The following GLIS3 variants were observed in gnomAD, a reference collection of about 807,000 sequenced individuals.
GLIS3 encodes GLIS family zinc finger 3, also known as zinc finger protein GLIS3.
In GLIS3, 53 loss-of-function variants were observed where a neutral mutation model predicts 78.6. The observed-to-expected ratio is 0.67, with a 90% CI of 0.54 to 0.85. The LOEUF is 0.85. Among genes scored for constraint, GLIS3 ranks in the 40% least tolerant of loss-of-function variants. The pLI is 0.00. For missense variants in GLIS3, 1,703 were observed against 1,231.1 expected, an observed-to-expected ratio of 1.38 and a Z score of -5.74; for synonymous variants, 684 against 509.9, an observed-to-expected ratio of 1.34 and a Z score of -4.60.
At chr9:4,490,013 G>C in the GLIS3 span, among the ~76,000 whole-genome samples, 36,858 of 152,134 alleles carry the variant, frequency 0.24, 5,520 homozygotes, top group East Asian at 0.49. Context: ...CCCAGCCTGA[G>C]TAGCCGAGCA....
At chr9:4,272,318 G>C (rs912294519) in intron 2 of GLIS3, among the ~76,000 whole-genome samples, 1 of 152,168 alleles carries the variant, frequency 6.6e-6, no homozygotes, top group Non-Finnish European at 1.5e-5. Context: ...ACACATAGTA[G>C]AAATTCTGGT....
At chr9:4,442,526 T>C in the GLIS3 span, among the ~76,000 whole-genome samples, 3 of 152,156 alleles carry the variant, frequency 2.0e-5, no homozygotes, top group African/African-American at 4.8e-5. Flanking sequence ...AACACTGCTC[T>C]ATTTTCCAAA....
intron 4 of GLIS3, among the ~76,000 whole-genome samples, chr9:3,961,172 T>C (rs997098621): frequency 2.0e-5 from 3 of 152,168 alleles, no homozygotes; most frequent in Admixed American, 1.3e-4. Context: ...CCTTGCATTA[T>C]AAGAAAGTAA....
rs550647515 is a variant in GLIS3, at chr9:4,083,400, T to C, written c.1710+34368A>G. The stretch of plus-strand genomic sequence containing the variant: ...CTCTAGGTAGCTGCTACTAGATACA[T>C]GGAATTTAAATACTAGGTGAAATGC... On this transcript the variant is annotated intron_variant, in intron 4 of 10. Transcript: ENST00000381971. Among the ~76,000 whole-genome samples the C allele has an allele frequency of 7.2e-5, 11 of 152,224 alleles. No individual in the cohort carries two copies. In the South Asian group the frequency reaches 2.1e-3, roughly 29 times the overall value.
At chr9:3,879,216 G>C (rs1220211367) in intron 8 of GLIS3, among the ~76,000 whole-genome samples, 4 of 152,188 alleles carry the variant, frequency 2.6e-5, no homozygotes, top group Non-Finnish European at 5.9e-5. Flanking sequence ...GCTATTGCCA[G>C]TATCATTTCA....
At chr9:4,088,139 A>G (rs1056994563) in intron 4 of GLIS3, among the ~76,000 whole-genome samples, 1 of 152,208 alleles carries the variant, frequency 6.6e-6, no homozygotes, top group African/African-American at 2.4e-5. Flanking sequence ...TCTGAAAGGG[A>G]GAAAGAATAA....
At chr9:4,366,936 T>C in the GLIS3 span, among the ~76,000 whole-genome samples, 1 of 141,350 alleles carries the variant, frequency 7.1e-6, no homozygotes, top group Non-Finnish European at 1.6e-5. Context: ...TCGAGCACAA[T>C]GGCTAAATTT....
intron 4 of GLIS3, among the ~76,000 whole-genome samples, chr9:4,103,295 A>G (rs1257853002): frequency 6.6e-6 from 1 of 152,172 alleles, no homozygotes; most frequent in African/African-American, 2.4e-5. Flanking sequence ...GGAGCCTTGA[A>G]CATTTAGAAT....
At chr9:4,434,031 G>A in the GLIS3 span, among the ~76,000 whole-genome samples, 2 of 151,552 alleles carry the variant, frequency 1.3e-5, no homozygotes, top group Non-Finnish European at 2.9e-5. Flanking sequence ...AGGAGGTGGA[G>A]GTTGCAGTGA....
intron 4 of GLIS3, among the ~76,000 whole-genome samples, chr9:4,032,266 C>T (rs1823903548): frequency 2.0e-5 from 3 of 152,144 alleles, no homozygotes; most frequent in South Asian, 4.1e-4. Context: ...CTGGTTTCAG[C>T]GGAATACCCT....
At chr9:3,832,178 A>G (rs1818083874) in intron 9 of GLIS3, among the ~76,000 whole-genome samples, 3 of 150,392 alleles carry the variant, frequency 2.0e-5, no homozygotes, top group Non-Finnish European at 4.4e-5. Context: ...ATACTTACAT[A>G]TTATACAATT....
chr9:4,414,491 A>C, the GLIS3 span, among the ~76,000 whole-genome samples: 5 of 152,220 alleles, frequency 3.3e-5, no homozygotes, highest in African/African-American at 4.8e-5. Context: ...TGGGGTGGTC[A>C]AACAATTATA....
At chr9:4,020,852 A>C (rs1563955624) in intron 4 of GLIS3, among the ~76,000 whole-genome samples, 1 of 152,206 alleles carries the variant, frequency 6.6e-6, no homozygotes, top group East Asian at 1.9e-4. Context: ...ACGTAAGCAA[A>C]TGATACTGGT....
At chr9:4,047,664 G>T (rs918638446) in intron 4 of GLIS3, among the ~76,000 whole-genome samples, 1 of 152,118 alleles carries the variant, frequency 6.6e-6, no homozygotes, top group Non-Finnish European at 1.5e-5. Flanking sequence ...TCTAGGGAAA[G>T]AAAAAACTGT....
At chr9:4,012,166 T>C (rs1036684621) in intron 4 of GLIS3, among the ~76,000 whole-genome samples, 2 of 152,210 alleles carry the variant, frequency 1.3e-5, no homozygotes, top group African/African-American at 2.4e-5. Flanking sequence ...TACCTCTTCA[T>C]ACCTACTCAT....
the GLIS3 span, among the ~76,000 whole-genome samples, chr9:4,424,730 A>T: frequency 6.6e-6 from 1 of 152,020 alleles, no homozygotes; most frequent in African/African-American, 2.4e-5. Context: ...TGCCTGGCTA[A>T]TGTTTTTTAT....
chr9:4,066,404 C>A (rs1827100437), intron 4 of GLIS3, among the ~76,000 whole-genome samples: 1 of 152,128 alleles, frequency 6.6e-6, no homozygotes, highest in Admixed American at 6.6e-5. Context: ...CTGCAGAACA[C>A]ATGCATTTTT....
At chr9:4,231,651 G>A (rs1215770739) in intron 2 of GLIS3, among the ~76,000 whole-genome samples, 5 of 152,106 alleles carry the variant, frequency 3.3e-5, no homozygotes, top group Non-Finnish European at 5.9e-5. Context: ...AAAAATAAAC[G>A]TCAAGGCCAA....
At chr9:4,180,941 G>A (rs937101735) in intron 2 of GLIS3, among the ~76,000 whole-genome samples, 1 of 152,132 alleles carries the variant, frequency 6.6e-6, no homozygotes, top group East Asian at 1.9e-4. Context: ...CCATCTCCCT[G>A]GGCATCCTGA....
Sources: gnomAD v4.1 joint callset for allele counts (sites outside exome capture counted in the v4.1 genomes callset) on GRCh38, gnomAD v4.1.1 for gene constraint, MANE v1.5 for transcripts, NCBI Gene and HGNC (gene_info 2026-07-23, HGNC 2026-07-21) for gene names.